FRMD3: variants seen among roughly 807,000 people sequenced by gnomAD.
FRMD3 encodes the protein FERM domain-containing protein 3.
FRMD3 carries 33 observed loss-of-function variants against 70.2 expected under a neutral mutation model. The observed-to-expected ratio is 0.47, with a 90% confidence interval of 0.36 to 0.63. The LOEUF (loss-of-function observed/expected upper bound fraction) is 0.63. FRMD3 is among the 20% of genes least tolerant of loss of function. FRMD3 has a pLI of 0.00. For missense variants in FRMD3, 632 were observed against 711.4 expected (o/e 0.89, Z 1.27); for synonymous variants, 279 against 255.9 (o/e 1.09, Z -0.86).
the FRMD3 span, among the ~76,000 whole-genome samples, chr9:83,555,540 C>T: frequency 6.6e-6 from 1 of 152,220 alleles, no homozygotes. Flanking sequence ...CTAGGAGATC[C>T]TTCTCAGGGA....
chr9:83,394,025 T>G (rs989056075), intron 1 of FRMD3, among the ~76,000 whole-genome samples: 1 of 152,164 alleles, frequency 6.6e-6, no homozygotes, highest in African/African-American at 2.4e-5. Context: ...CACAGAGAGT[T>G]TGAGAGTTTG....
chr9:83,296,116 G>A (rs1834652690), intron 12 of FRMD3, among the ~76,000 whole-genome samples: 1 of 152,138 alleles, frequency 6.6e-6, no homozygotes, highest in Admixed American at 6.5e-5. Context: ...CACCACAAGA[G>A]GAGAGCTTAT....
chr9:83,565,990 A>G, the FRMD3 span, among the ~76,000 whole-genome samples: 1 of 152,356 alleles, frequency 6.6e-6, no homozygotes, highest in African/African-American at 2.4e-5. Flanking sequence ...AAGGCCAAAA[A>G]AATTGAAATG....
chr9:83,298,673 C>G, intron 12 of FRMD3, 75 bp downstream of exon 12: 2 of 1,109,336 alleles, frequency 1.8e-6, no homozygotes, highest in Non-Finnish European at 2.8e-6. Context: ...TGTCACTACA[C>G]AAAGGGATGT....
intron 13 of FRMD3, among the ~76,000 whole-genome samples, chr9:83,282,341 CT>C (rs1293305516): frequency 1.3e-5 from 2 of 152,274 alleles, no homozygotes; most frequent in East Asian, 3.9e-4. Flanking sequence ...TATATAGGTA[CT>C]TTTATCATCG....
In FRMD3 at chr9:83,353,848, T is replaced by A. The variant is rs1303691798; in HGVS notation, c.296-4091A>T. Among the ~76,000 whole-genome samples, 4 of 152,202 alleles carry A rather than the reference T, an allele frequency of 2.6e-5. No individual in the cohort carries two copies. In the East Asian group the frequency reaches 7.7e-4, roughly 29 times the overall value. Reference sequence around the variant, plus strand: ...AGTTCAATCAGCAATGATCTATTGTTATAGGTAACAGACACAGTTTTAGAT... The same window carrying A: ...AGTTCAATCAGCAATGATCTATTGTAATAGGTAACAGACACAGTTTTAGAT... On this transcript the variant is annotated intron_variant, in intron 3 of 13. Transcript: ENST00000304195.
intron 3 of FRMD3, among the ~76,000 whole-genome samples, chr9:83,362,211 A>ATCTCTCTC (rs1564035399): frequency 3.5e-5 from 5 of 141,664 alleles, no homozygotes; most frequent in African/African-American, 1.3e-4. Context: ...CTCTCTCTCA[A>ATCTCTCTC]TCTCAATCTC....
At chr9:83,424,255 C>T (rs1249479799) in intron 1 of FRMD3, among the ~76,000 whole-genome samples, 1 of 152,152 alleles carries the variant, frequency 6.6e-6, no homozygotes, top group Non-Finnish European at 1.5e-5. Flanking sequence ...ACAAAGAGCA[C>T]CTTGTACATT....
At chr9:83,518,857 T>C (rs576411751) in intron 1 of FRMD3, among the ~76,000 whole-genome samples, 1 of 152,334 alleles carries the variant, frequency 6.6e-6, no homozygotes, top group Non-Finnish European at 1.5e-5. Context: ...AACCATCTGA[T>C]CTTTGACAAA....
the FRMD3 span, among the ~76,000 whole-genome samples, chr9:83,583,419 C>T: frequency 6.6e-6 from 1 of 152,074 alleles, no homozygotes; most frequent in East Asian, 1.9e-4. Flanking sequence ...CCTGCCAGCC[C>T]CATTTTCTCA....
intron 13 of FRMD3, 109 bp downstream of exon 13, chr9:83,290,494 C>A (rs1834373911): frequency 7.9e-7 from 1 of 1,260,074 alleles, no homozygotes; most frequent in Non-Finnish European, 1.2e-6. Context: ...ATGGCCCACT[C>A]CACCCCATAC....
At chr9:83,298,599 G>T (rs142671764) in intron 12 of FRMD3, 149 bp downstream of exon 12, 13 of 643,088 alleles carry the variant, frequency 2.0e-5, no homozygotes, top group Non-Finnish European at 3.6e-5. Context: ...TCATGCCATG[G>T]CCCAGGCAAA....
At chr9:83,363,628 A>G (rs997237740) in intron 3 of FRMD3, among the ~76,000 whole-genome samples, 2 of 137,784 alleles carry the variant, frequency 1.5e-5, no homozygotes, top group African/African-American at 5.4e-5. Context: ...ATCTTGGCTC[A>G]CTGCAGGCTC....
chr9:83,340,066 T>C (rs1823705255), intron 5 of FRMD3, among the ~76,000 whole-genome samples: 1 of 152,092 alleles, frequency 6.6e-6, no homozygotes, highest in South Asian at 2.1e-4. Context: ...TCAAGCCAGG[T>C]GTGGTGGTGC....
chr9:83,577,466 C>T, the FRMD3 span, among the ~76,000 whole-genome samples: 1 of 151,992 alleles, frequency 6.6e-6, no homozygotes, highest in Admixed American at 6.6e-5. Context: ...AAAGAATGGT[C>T]TTTTTAACTA....
chr9:83,486,453 A>G (rs774860972), intron 1 of FRMD3, among the ~76,000 whole-genome samples: 29 of 152,322 alleles, frequency 1.9e-4, no homozygotes, highest in Non-Finnish European at 3.2e-4. Flanking sequence ...AGCCCATCAC[A>G]TCAGTTTATG....
chr9:83,469,362 T>A (rs1828210470), intron 1 of FRMD3, among the ~76,000 whole-genome samples: 2 of 152,222 alleles, frequency 1.3e-5, no homozygotes, highest in Admixed American at 1.3e-4. Context: ...CAAAGCCACT[T>A]CTAAGAAAGT....
At chr9:83,266,663 A>G (rs886245183) in intron 13 of FRMD3, among the ~76,000 whole-genome samples, 1 of 152,090 alleles carries the variant, frequency 6.6e-6, no homozygotes, top group Non-Finnish European at 1.5e-5. Context: ...GCGTGTTGTG[A>G]TCATCCATTC....
chr9:83,456,009 A>G (rs1208360715), intron 1 of FRMD3, among the ~76,000 whole-genome samples: 1 of 152,236 alleles, frequency 6.6e-6, no homozygotes, highest in East Asian at 1.9e-4. Context: ...CAAAATATAC[A>G]AAAAGGTTTA....
Sources: allele counts gnomAD v4.1 joint callset (sites outside exome capture counted in the v4.1 genomes callset), GRCh38; gene constraint gnomAD v4.1.1; transcripts MANE v1.5; gene names NCBI Gene and HGNC (gene_info 2026-07-23, HGNC 2026-07-21).